The following ATG9B variants were observed in gnomAD, a reference collection of about 807,000 sequenced individuals.
The protein encoded by ATG9B is autophagy related 9B.
In ATG9B, 92 loss-of-function variants were observed where a neutral mutation model predicts 92.9. The observed-to-expected ratio is 0.99, with a 90% CI of 0.84 to 1.18. The LOEUF (loss-of-function observed/expected upper bound fraction) is 1.18. Among genes scored for constraint, ATG9B ranks in the 50% most tolerant of loss-of-function variants. The pLI, the probability that ATG9B is intolerant of heterozygous loss-of-function variation, is 0.00. For synonymous variants in ATG9B, 599 were observed against 551.4 expected (o/e 1.09, Z -1.21); for missense variants, 1,344 against 1,235.0 (o/e 1.09, Z -1.32).
chr7:151,022,101 G>A (rs1795776532), intron 4 of ATG9B, among the ~76,000 whole-genome samples: 1 of 148,442 alleles, frequency 6.7e-6, no homozygotes, highest in South Asian at 2.1e-4. Flanking sequence ...GCCCAGGTCT[G>A]GAACAGTTAT....
At chr7:151,014,578 AC>A (rs1414978504), downstream of ATG9B, 1 of 175,688 alleles carries the variant, frequency 5.7e-6, no homozygotes, top group African/African-American at 2.4e-5. Context: ...TAAAGTGCCT[AC>A]CCCAGCTCAT....
intron 11 of ATG9B, 35 bp from the exon 12 acceptor site, chr7:151,016,270 C>T: frequency 6.8e-7 from 1 of 1,477,548 alleles, no homozygotes; most frequent in Non-Finnish European, 9.0e-7. Context: ...GGGCTGCACC[C>T]CAAGGAGGGC....
In ATG9B at chr7:151,017,976, G is replaced by T. The variant is rs756736258; in HGVS notation, c.1947C>A (p.Ala649=). The T allele has an allele frequency of 6.8e-6, 11 of 1,606,590 alleles. No individual in the cohort carries two copies. The Admixed American group carries it at 1.9e-4, about 27-fold the overall frequency. ...GATGAAAAAAGTCGATAATCTCCAG[G>T]GCACGAGGGCGGAACCAGAAAAGCA... ...LFLLFWFRPR[A]LEIIDFFHHF... The change falls in exon 8 of 14, where the codon GCC becomes GCA. Residue 649 remains alanine (A), a synonymous_variant. Transcript: ENST00000639579.
At chr7:151,017,641 TAC>T (rs1795555507) in intron 8 of ATG9B, among the ~76,000 whole-genome samples, 2 of 152,340 alleles carry the variant, frequency 1.3e-5, no homozygotes, top group South Asian at 4.1e-4. Context: ...TCATAGGCTA[TAC>T]AGACATAATC....
chr7:151,021,083 C>A (rs1795727572), intron 5 of ATG9B, 105 bp downstream of exon 5: 2 of 1,366,830 alleles, frequency 1.5e-6, no homozygotes, highest in South Asian at 1.3e-5. Flanking sequence ...GCTCTTTCTG[C>A]CCTCTTTCCA....
intron 5 of ATG9B, 28 bp downstream of exon 5, chr7:151,021,160 T>C: frequency 6.2e-7 from 1 of 1,612,032 alleles, no homozygotes; most frequent in Non-Finnish European, 8.5e-7. Context: ...CACGGCACCC[T>C]CTGCACAGAC....
rs747430918 is a variant in ATG9B at position 151,017,120 on chromosome 7, T to C, written c.2205A>G (p.Val735=). 66 of 1,612,568 alleles carry C rather than the reference T, an allele frequency of 4.1e-5. No individual in the cohort carries two copies. Among genetic ancestry groups the C allele is most frequent in the Non-Finnish European group, 5.4e-5 (64 of 1,179,690 alleles). ...CACCCCAGGCAGCTGCATCTTGTTG[T>C]ACTCGGCCCCAGAGGTGCCCAAGAA... ...SKFLGHLWGR[V]QQDAAAWGAT... The change falls in exon 9 of 14, where the codon GTA becomes GTG. Residue 735 remains valine, a synonymous_variant. Transcript: ENST00000639579.
chr7:151,023,550 C>T (rs764727074), intron 2 of ATG9B, 41 bp from the exon 3 acceptor site: 1 of 1,612,644 alleles, frequency 6.2e-7, no homozygotes, highest in South Asian at 1.1e-5. Flanking sequence ...CACGGGGGGC[C>T]TCTCCTGAGG....
rs1033797599 is a variant in ATG9B, at chr7:151,021,307, C to T, written c.844G>A (p.Val282Ile). The change falls in exon 5 of 14, where the codon GTC becomes ATC. Residue 282 changes from valine to isoleucine, a missense_variant. Coordinates refer to ENST00000639579, the MANE Select transcript of ATG9B (RefSeq NM_001317056.2). ...CCGGCAGCCAGGACCAGGAGGAGGA[C>T]CAGCAGCGGGCTGGAGCGGATCCTG... ...AERIRSSPLLVLLLVLAAGFW... is the reference protein window; with the variant it reads ...AERIRSSPLLILLLVLAAGFW... 1.2e-6 allele frequency: 2 copies of T among 1,611,994 alleles called. No homozygotes were observed. The highest frequency in any genetic ancestry group is 1.7e-5 in the Admixed American group (1 of 59,882).
chr7:151,013,970 C>G (rs373107349), downstream of ATG9B: 3 of 1,607,056 alleles, frequency 1.9e-6, no homozygotes, highest in Non-Finnish European at 1.7e-6. Context: ...CTAAGGTCTC[C>G]GAGTCGGGTT....
At chr7:151,013,019 C>T (rs1795340598), downstream of ATG9B, 2 of 565,942 alleles carry the variant, frequency 3.5e-6, no homozygotes, top group South Asian at 4.8e-5. Flanking sequence ...GGGGCCACCA[C>T]CTCACCCGCG....
chr7:151,023,848 T>C (rs1446224845), intron 1 of ATG9B, 26 bp downstream of exon 1: 1 of 1,609,550 alleles, frequency 6.2e-7, no homozygotes, highest in South Asian at 1.1e-5. Context: ...CCACTAACCC[T>C]CTCCCACCCA....
rs766053220 is a variant in ATG9B, at chr7:151,017,228, C to T, written c.2097G>A (p.Ala699=). 13 of 1,609,752 alleles carry T rather than the reference C, an allele frequency of 8.1e-6. No individual in the cohort carries two copies. The highest frequency in any genetic ancestry group is 4.0e-5 in the African/African-American group (3 of 74,798). ...GQTEASLSQR[A]EDGKTELSLM... ...AAGAAAGCTCAGTCTTGCCGTCCTCCGCACGCTGAGACAGCGAGGCCTCAG... is the reference window on the plus strand; with the variant it reads ...AAGAAAGCTCAGTCTTGCCGTCCTCTGCACGCTGAGACAGCGAGGCCTCAG... Residue 699 remains alanine (A), a synonymous_variant, in exon 9 of 14, where the codon GCG becomes GCA. Transcript: ENST00000639579.
At chr7:151,012,236 A>T (rs1472722301), downstream of ATG9B, 985 of 563,632 alleles carry the variant, frequency 1.7e-3, no homozygotes, top group East Asian at 3.5e-3. Flanking sequence ...TTTTTTTTTT[A>T]ATTTTTTTTT....
chr7:151,020,567 G>A (rs1379109933), intron 5 of ATG9B, among the ~76,000 whole-genome samples: 8 of 152,236 alleles, frequency 5.3e-5, no homozygotes, highest in Non-Finnish European at 1.2e-4. Flanking sequence ...AGCAAGGGAA[G>A]CAAGCTGCAG....
In ATG9B at chr7:151,015,679, C is replaced by G; in HGVS notation, c.*49G>C. On this transcript the variant is annotated 3_prime_UTR_variant, in exon 14 of 14. Transcript: ENST00000639579. ...GACTCCTTGTGTTTTTCTACTCCAC[C>G]CTCCAATCTCCTGTGGCTGCCGAAG... is the stretch of plus-strand genomic sequence containing the variant. 1 of 584,428 alleles carries G rather than the reference C, an allele frequency of 1.7e-6. No homozygotes were observed. The highest frequency in any genetic ancestry group is 3.9e-5 in the South Asian group (1 of 25,812). The allele number at this position is 584,428 out of a possible 1,614,324, so 36.2% of individuals were successfully genotyped here.
downstream of ATG9B, chr7:151,012,936 A>G: frequency 2.2e-6 from 1 of 451,018 alleles, no homozygotes. Flanking sequence ...GGGGAAGGGG[A>G]CTGCGATGTC....
chr7:151,020,955 T>C (rs1326825397), intron 5 of ATG9B: 2 of 466,548 alleles, frequency 4.3e-6, no homozygotes, highest in Non-Finnish European at 7.6e-6. Context: ...CTATATGTCA[T>C]CTTATATGAG....
intron 4 of ATG9B, among the ~76,000 whole-genome samples, chr7:151,021,704 C>T (rs1415414014): frequency 6.7e-6 from 1 of 149,404 alleles, no homozygotes; most frequent in African/African-American, 2.5e-5. Context: ...GGCTGGAGTG[C>T]AGTGGCGCAA....
Sources: gnomAD v4.1 joint callset for allele counts (sites outside exome capture counted in the v4.1 genomes callset) on GRCh38, gnomAD v4.1.1 for gene constraint, MANE v1.5 for transcripts, NCBI Gene and HGNC (gene_info 2026-07-23, HGNC 2026-07-21) for gene names.